Variants in RGS7 observed in about 807,000 individuals in gnomAD.
The protein encoded by RGS7 is regulator of G-protein signaling 7.
Under a neutral mutation model 81.1 loss-of-function variants are expected in RGS7, and 27 were observed. The ratio of observed to expected loss-of-function variants is 0.33; its 90% CI spans 0.25 to 0.46. The LOEUF is 0.46. Ranked by LOEUF, RGS7 falls within the 20% of genes least tolerant of loss-of-function variation. The pLI, the probability that RGS7 is intolerant of heterozygous loss-of-function variation, is 1.00. For synonymous variants in RGS7, 208 were observed against 207.7 expected (o/e 1.00, Z -0.01); for missense variants, 396 against 607.4 (o/e 0.65, Z 3.66).
At chr1:241,073,139 A>G (rs1372391149) in intron 3 of RGS7, among the ~76,000 whole-genome samples, 2 of 152,148 alleles carry the variant, frequency 1.3e-5, no homozygotes, top group Non-Finnish European at 2.9e-5. Context: ...TGCTAAGGCA[A>G]TTACTGCTCT....
At chr1:240,904,920 A>T (rs1485218408) in intron 6 of RGS7, among the ~76,000 whole-genome samples, 1 of 152,216 alleles carries the variant, frequency 6.6e-6, no homozygotes, top group African/African-American at 2.4e-5. Context: ...ATCATAAATG[A>T]TTCTAAAGCA....
chr1:241,127,584 C>G (rs893853512), intron 2 of RGS7, among the ~76,000 whole-genome samples: 1 of 151,952 alleles, frequency 6.6e-6, no homozygotes, highest in Non-Finnish European at 1.5e-5. Flanking sequence ...GGAGATATAC[C>G]TAATGCTAAA....
intron 4 of RGS7, among the ~76,000 whole-genome samples, chr1:240,958,928 C>T (rs1391617722): frequency 6.6e-6 from 1 of 152,206 alleles, no homozygotes; most frequent in Admixed American, 6.5e-5. Flanking sequence ...CTTTCCTATA[C>T]TTTTCATAAA....
intron 4 of RGS7, among the ~76,000 whole-genome samples, chr1:240,982,723 A>T (rs1371025045): frequency 6.6e-6 from 1 of 152,198 alleles, no homozygotes; most frequent in Non-Finnish European, 1.5e-5. Flanking sequence ...TAAGTTAATG[A>T]GATGTATGTG....
chr1:241,173,328 T>C (rs911571831), intron 2 of RGS7, among the ~76,000 whole-genome samples: 2 of 152,228 alleles, frequency 1.3e-5, no homozygotes, highest in African/African-American at 4.8e-5. Context: ...TTGCCTGTCT[T>C]ACTCAGGTCA....
At chr1:241,242,073 C>A (rs1412491757) in intron 2 of RGS7, among the ~76,000 whole-genome samples, 1 of 151,824 alleles carries the variant, frequency 6.6e-6, no homozygotes, top group African/African-American at 2.4e-5. Flanking sequence ...TACACTGAAC[C>A]CAATTTGTAG....
intron 2 of RGS7, among the ~76,000 whole-genome samples, chr1:241,293,166 C>G (rs1220352221): frequency 1.3e-5 from 2 of 152,134 alleles, no homozygotes; most frequent in Admixed American, 6.5e-5. Flanking sequence ...TATCGCCTAG[C>G]AACACTGTAG....
At chr1:240,826,388 ACT>A (rs1170054961) in intron 10 of RGS7, among the ~76,000 whole-genome samples, 3 of 152,156 alleles carry the variant, frequency 2.0e-5, no homozygotes, top group Non-Finnish European at 4.4e-5. Flanking sequence ...AGGGACACAG[ACT>A]CTGGAAAACA....
intron 2 of RGS7, among the ~76,000 whole-genome samples, chr1:241,188,101 A>G (rs1259766518): frequency 6.6e-6 from 1 of 152,216 alleles, no homozygotes; most frequent in East Asian, 1.9e-4. Flanking sequence ...TGTTCCCAAC[A>G]CAAAGAAATG....
At chr1:241,237,518 A>T (rs1337208714) in intron 2 of RGS7, among the ~76,000 whole-genome samples, 1 of 146,306 alleles carries the variant, frequency 6.8e-6, no homozygotes, top group Non-Finnish European at 1.5e-5. Flanking sequence ...TTTTACACTT[A>T]AAAAAAAAAT....
At chr1:240,777,114 G>A (rs1683076760) in intron 18 of RGS7, among the ~76,000 whole-genome samples, 1 of 152,118 alleles carries the variant, frequency 6.6e-6, no homozygotes, top group African/African-American at 2.4e-5. Flanking sequence ...GGCCAACATG[G>A]TGAAACTCCG....
At chr1:241,032,897 T>C (rs2060146749) in intron 3 of RGS7, among the ~76,000 whole-genome samples, 1 of 152,236 alleles carries the variant, frequency 6.6e-6, no homozygotes, top group South Asian at 2.1e-4. Context: ...TTTAGGATTT[T>C]ATAGGTATAA....
chr1:241,207,421 A>G (rs1175145236), intron 2 of RGS7, among the ~76,000 whole-genome samples: 1 of 151,002 alleles, frequency 6.6e-6, no homozygotes, highest in African/African-American at 2.4e-5. Flanking sequence ...ACCGATAGCT[A>G]TGAAATCTGA....
chr1:241,226,093 G>A (rs1204437297), intron 2 of RGS7, among the ~76,000 whole-genome samples: 1 of 152,106 alleles, frequency 6.6e-6, no homozygotes, highest in Non-Finnish European at 1.5e-5. Flanking sequence ...GAGTGATGGA[G>A]ATGAGAGCAC....
intron 6 of RGS7, among the ~76,000 whole-genome samples, chr1:240,907,857 A>G (rs969809019): frequency 6.6e-6 from 1 of 152,180 alleles, no homozygotes; most frequent in Non-Finnish European, 1.5e-5. Context: ...CTTAACCGCT[A>G]GACTTGAGAG....
chr1:241,184,032 C>A (rs1421301526), intron 2 of RGS7, among the ~76,000 whole-genome samples: 2 of 152,148 alleles, frequency 1.3e-5, no homozygotes, highest in African/African-American at 4.8e-5. Flanking sequence ...ACCTGTGGAT[C>A]CTGGAAGCAA....
intron 12 of RGS7, 58 bp from the exon 13 acceptor site, chr1:240,813,786 C>T: frequency 9.2e-7 from 1 of 1,081,118 alleles, no homozygotes; most frequent in Non-Finnish European, 1.4e-6. Flanking sequence ...TGCAGCCAGT[C>T]CAAAGCAGGG....
At chr1:240,920,123 C>T (rs750422374) in intron 6 of RGS7, 16 of 910,572 alleles carry the variant, frequency 1.8e-5, no homozygotes, top group East Asian at 4.8e-5. Context: ...ACTATGACTC[C>T]GTGGATAAGA....
At chr1:240,927,055 TTTTTG>T (rs148225093) in intron 6 of RGS7, among the ~76,000 whole-genome samples, 5,172 of 151,828 alleles carry the variant, frequency 0.034, 93 homozygotes, top group Middle Eastern at 0.044. Context: ...AAACTGGTTT[TTTTTG>T]TTTTGTTTTG....
Sources: allele counts gnomAD v4.1 joint callset (sites outside exome capture counted in the v4.1 genomes callset), GRCh38; gene constraint gnomAD v4.1.1; transcripts MANE v1.5; gene names NCBI Gene and HGNC (gene_info 2026-07-23, HGNC 2026-07-21).